GAK: variants seen among roughly 807,000 people sequenced by gnomAD.
GAK encodes cyclin-G-associated kinase.
A neutral mutation model predicts 143.9 loss-of-function variants in GAK; 79 were observed. The observed-to-expected ratio is 0.55, with a 90% CI of 0.46 to 0.66. The LOEUF is 0.66. GAK is among the 30% of genes least tolerant of loss of function. The pLI is 0.00. For synonymous variants in GAK, 881 were observed against 765.5 expected (o/e 1.15, Z -2.49); for missense variants, 1,693 against 1,779.7 (o/e 0.95, Z 0.88).
intron 3 of GAK, 26 bp from the exon 4 acceptor site, chr4:911,813 C>T (rs772257637): frequency 1.6e-5 from 25 of 1,537,122 alleles, no homozygotes; most frequent in East Asian, 2.3e-5. Flanking sequence ...TAAAGGAGAA[C>T]GTACATAACC....
Position 868,597 on chromosome 4 carries a change from G to C in GAK, c.2337C>G (p.Asp779Glu), listed in dbSNP as rs770487421. ...GSPEAEPTDS[D>E]SPPSSSADAS... ...CGTCCGCGCTGCTGCTTGGCGGTGA[G>C]TCAGAGTCTGTGGGTTCGGCTTCCG... The change falls in exon 20 of 28, where the codon GAC becomes GAG. Residue 779 changes from aspartate (D) to glutamate (E), a missense_variant. By Grantham distance (45) the Asp-to-Glu change is conservative. Transcript: ENST00000314167. 6.2e-7 allele frequency: 1 copy of C among 1,601,792 alleles called. No homozygotes were observed. Among genetic ancestry groups the C allele is most frequent in the Non-Finnish European group, 8.5e-7 (1 of 1,174,714 alleles).
intron 4 of GAK, among the ~76,000 whole-genome samples, chr4:910,788 C>T (rs1394446811): frequency 6.6e-6 from 1 of 152,188 alleles, no homozygotes; most frequent in African/African-American, 2.4e-5. Context: ...GTCACCACCC[C>T]CTCACCGGCC....
chr4:881,478 G>A (rs58429160), intron 15 of GAK, among the ~76,000 whole-genome samples: 25,172 of 152,070 alleles, frequency 0.17, 2,242 homozygotes, highest in Middle Eastern at 0.31. Flanking sequence ...CCTGCTGCGC[G>A]CTGAGGTGGA....
chr4:893,731 C>T (rs1022034408), intron 8 of GAK, 143 bp downstream of exon 8: 30 of 1,057,724 alleles, frequency 2.8e-5, no homozygotes, highest in Non-Finnish European at 3.3e-5. Flanking sequence ...GGAAACCCCC[C>T]CCCCAGGGAT....
chr4:862,972 T>C (rs1179185638), intron 23 of GAK, among the ~76,000 whole-genome samples: 4 of 152,226 alleles, frequency 2.6e-5, no homozygotes, highest in Non-Finnish European at 5.9e-5. Flanking sequence ...TCTCCCTATT[T>C]AAGAAACACA....
At chr4:878,015 G>A (rs1173352870) in intron 15 of GAK, among the ~76,000 whole-genome samples, 1 of 152,028 alleles carries the variant, frequency 6.6e-6, no homozygotes, top group Non-Finnish European at 1.5e-5. Context: ...TTAAGACAGA[G>A]TCTTAAAAAT....
intron 19 of GAK, among the ~76,000 whole-genome samples, chr4:870,459 T>C (rs1023879325): frequency 4.6e-5 from 7 of 152,182 alleles, no homozygotes; most frequent in Non-Finnish European, 7.3e-5. Flanking sequence ...GCCTGGGTTT[T>C]CCTCCCTCTG....
In GAK at chr4:849,932, T is replaced by A; in HGVS notation, c.3794A>T (p.Lys1265Met). The change falls in exon 27 of 28, where the codon AAG (lysine) becomes ATG (methionine). Residue 1265 changes from lysine to methionine, a missense_variant. Lys to Met is a moderately conservative substitution (Grantham distance 95, BLOSUM62 -1). Transcript: ENST00000314167. Reference sequence around the variant, plus strand: ...AGCCAGCACCGCGCGGCGATAGTGCTTCTTCACTTGCTCCGGAGCCACCAG... The same window carrying A: ...AGCCAGCACCGCGCGGCGATAGTGCATCTTCACTTGCTCCGGAGCCACCAG... The part of the protein sequence containing the change: ...ADLVAPEQVK[K>M]HYRRAVLAVH... 6.2e-7 allele frequency: 1 copy of A among 1,603,654 alleles called. No homozygotes were observed. Among genetic ancestry groups the A allele is most frequent in the Non-Finnish European group, 8.5e-7 (1 of 1,175,302 alleles).
Position 849,724 on chromosome 4 carries a change from C to G in GAK, c.3885G>C (p.Leu1295=). The G allele has an allele frequency of 6.2e-7, 1 of 1,613,518 alleles. No homozygotes were observed. ...TCTCAAACTCCGACCAGGCGTCATT[C>G]AGCTCCATGAAGATCATCTTGGCGT... ...EQHAKMIFME[L]NDAWSEFENQ... is the part of the protein sequence containing the mutation. Residue 1295 remains leucine, a synonymous_variant, in exon 28 of 28, where the codon CTG becomes CTC. Coordinates refer to ENST00000314167, the MANE Select transcript of GAK (RefSeq NM_005255.4).
At chr4:882,286 G>A (rs982254594) in intron 14 of GAK, among the ~76,000 whole-genome samples, 5 of 152,228 alleles carry the variant, frequency 3.3e-5, no homozygotes, top group Non-Finnish European at 5.9e-5. Context: ...CTGGTGCCCC[G>A]TACCCCGCAA....
intron 27 of GAK, 56 bp from the exon 28 acceptor site, chr4:849,830 C>CCGGGGGGGGGGGG: frequency 1.7e-5 from 20 of 1,172,222 alleles, no homozygotes; most frequent in Non-Finnish European, 2.1e-5. Context: ...GCGGGCGGGG[C>CCGGGGGGGGGGGG]AGGACCCCCC....
intron 12 of GAK, among the ~76,000 whole-genome samples, 185 bp from the exon 13 acceptor site, chr4:883,648 T>G (rs888621538): frequency 2.6e-5 from 4 of 152,208 alleles, no homozygotes; most frequent in Admixed American, 6.5e-5. Flanking sequence ...CCTAGGAGCA[T>G]GGACCCAGCC....
chr4:868,461 C>T (rs907635449), intron 20 of GAK, 78 bp downstream of exon 20: 31 of 1,509,768 alleles, frequency 2.1e-5, no homozygotes, highest in Admixed American at 7.3e-5. Context: ...TCTCCCAAGA[C>T]GCTTGCCCTG....
chr4:877,682 G>A lies in GAK; in HGVS notation c.1789C>T (p.Pro597Ser). 1 of 1,612,860 alleles carries A rather than the reference G, an allele frequency of 6.2e-7. No homozygotes were observed. ...LFSKQRSGCR[P>S]FCEVYVGDER... ...TCCCCCACGTAGACCTCGCAGAAGG[G>A]CCTGCAGCCGCTCCTCTGCTTGCTG... The change falls in exon 16 of 28, where the codon CCC becomes TCC. Residue 597 changes from proline to serine, a missense_variant. Pro to Ser is a moderately conservative substitution (Grantham distance 74). Coordinates refer to ENST00000314167, the MANE Select transcript of GAK (RefSeq NM_005255.4).
At chr4:902,667 T>C (rs1211175668) in intron 5 of GAK, among the ~76,000 whole-genome samples, 2 of 144,032 alleles carry the variant, frequency 1.4e-5, no homozygotes, top group East Asian at 2.0e-4. Flanking sequence ...AGGCCCACCA[T>C]GGGCAGGCCA....
At position 881,912 on chromosome 4, in the gene GAK, G is replaced by A; in HGVS notation, c.1656C>T (p.His552=). The A allele has an allele frequency of 6.3e-7, 1 of 1,587,514 alleles. No individual in the cohort carries two copies. Among genetic ancestry groups the A allele is most frequent in the Non-Finnish European group, 8.6e-7 (1 of 1,166,494 alleles). ...CCCGGAGGGCCACGCAGTACCTTTTGTGGGATGGCCAGATGCCTGGTGGGC... is the reference window on the plus strand; with the variant it reads ...CCCGGAGGGCCACGCAGTACCTTTTATGGGATGGCCAGATGCCTGGTGGGC... ...KRCPPGIWPS[H]KRYIEYMCDM... The change falls in exon 15 of 28, where the codon CAC becomes CAT. Residue 552 remains histidine, a synonymous_variant. Coordinates refer to ENST00000314167, the MANE Select transcript of GAK (RefSeq NM_005255.4).
intron 18 of GAK, among the ~76,000 whole-genome samples, chr4:873,013 C>CCAGGCACGGCG (rs1162233312): frequency 1.3e-5 from 2 of 152,180 alleles, no homozygotes; most frequent in African/African-American, 4.8e-5. Context: ...CGCCTCTCGC[C>CCAGGCACGGCG]CAGGCACGGC....
intron 24 of GAK, among the ~76,000 whole-genome samples, chr4:854,921 T>C (rs7666736): frequency 0.013 from 1,926 of 152,294 alleles, 20 homozygotes; most frequent in Non-Finnish European, 0.019. Context: ...GGCGGGTGCC[T>C]GTAGTCCCAG....
chr4:860,043 C>G (rs1000471221), intron 23 of GAK, among the ~76,000 whole-genome samples: 4 of 152,174 alleles, frequency 2.6e-5, no homozygotes, highest in Admixed American at 6.5e-5. Context: ...TCAGGATACT[C>G]TTTATAATAG....
Sources: allele counts gnomAD v4.1 joint callset (sites outside exome capture counted in the v4.1 genomes callset), GRCh38; gene constraint gnomAD v4.1.1; transcripts MANE v1.5; gene names NCBI Gene and HGNC (gene_info 2026-07-23, HGNC 2026-07-21).